The following DNAH5 variants were observed in gnomAD, a reference collection of about 807,000 sequenced individuals.
DNAH5 encodes the protein axonemal beta dynein heavy chain 5.
Under a neutral mutation model 518.2 loss-of-function variants are expected in DNAH5, and 372 were observed. That is an observed-to-expected ratio of 0.72 (90% CI 0.66 to 0.78). The LOEUF (loss-of-function observed/expected upper bound fraction) is 0.78. Ranked by LOEUF, DNAH5 falls within the 30% of genes least tolerant of loss-of-function variation. DNAH5 has a pLI of 0.00. For missense variants in DNAH5, 5,523 were observed against 5,687.0 expected, an observed-to-expected ratio of 0.97 and a Z score of 0.93; for synonymous variants, 2,039 against 2,025.9, an observed-to-expected ratio of 1.01 and a Z score of -0.17.
chr5:13,859,307 G>A, intron 30 of DNAH5, 145 bp downstream of exon 30: 1 of 852,438 alleles, frequency 1.2e-6, no homozygotes, highest in South Asian at 1.6e-5. Flanking sequence ...TCCCTTTGAA[G>A]AATAACAGCA....
chr5:13,973,944 C>A (rs928456740), intron 1 of DNAH5, among the ~76,000 whole-genome samples: 1 of 152,086 alleles, frequency 6.6e-6, no homozygotes, highest in African/African-American at 2.4e-5. Flanking sequence ...CTTATTGGTA[C>A]ATGTGGCCAA....
At chr5:13,853,056 C>T (rs113902580) in intron 30 of DNAH5, among the ~76,000 whole-genome samples, 1,613 of 152,336 alleles carry the variant, frequency 0.011, 20 homozygotes, top group African/African-American at 0.036. Flanking sequence ...GGGTCCCTGA[C>T]CCCGTGCTTC....
chr5:13,976,323 A>C (rs2152062026), intron 1 of DNAH5, among the ~76,000 whole-genome samples: 1 of 152,308 alleles, frequency 6.6e-6, no homozygotes. Context: ...TCCAGAAATA[A>C]ACAATCCGTA....
At chr5:13,925,919 C>G (rs1348582060) in intron 3 of DNAH5, among the ~76,000 whole-genome samples, 1 of 152,198 alleles carries the variant, frequency 6.6e-6, no homozygotes, top group Non-Finnish European at 1.5e-5. Context: ...GTGCTACAAC[C>G]AGGACAGTCA....
chr5:13,723,769 T>C (rs1338357409), intron 70 of DNAH5, among the ~76,000 whole-genome samples: 3 of 152,340 alleles, frequency 2.0e-5, no homozygotes, highest in Admixed American at 6.5e-5. Flanking sequence ...AAAAATATAA[T>C]TCTTAAGTCA....
In DNAH5 at chr5:13,922,267, A is replaced by G; in HGVS notation, c.500T>C (p.Leu167Ser). 6.2e-7 allele frequency: 1 copy of G among 1,613,762 alleles called. No individual in the cohort carries two copies. The highest frequency in any genetic ancestry group is 2.2e-5 in the East Asian group (1 of 44,796). Reference protein sequence around the residue: ...DGGLLNSVRRLLSDIFIPALR... With the variant: ...DGGLLNSVRRSLSDIFIPALR... ...AGCAGGAATGAAGATGTCCGACAGC[A>G]AACGTCTCACACTGTTGAGCAGGCC... The change falls in exon 5 of 79, where the codon TTG (leucine) becomes TCG (serine). Residue 167 changes from leucine (L) to serine (S), a missense_variant. Coordinates refer to ENST00000265104, the MANE Select transcript of DNAH5 (RefSeq NM_001369.3).
Position 13,814,781 on chromosome 5 carries a change from C to T in DNAH5, c.7054G>A (p.Val2352Ile). 1.2e-6 allele frequency: 2 copies of T among 1,613,832 alleles called. No individual in the cohort carries two copies. Among genetic ancestry groups the T allele is most frequent in the Non-Finnish European group, 1.7e-6 (2 of 1,179,954 alleles). ...GTTAGAGTTTTGTTATCATCCAAAA[C>T]AGAATTCAGATTTTCAATCCAGATG... Reference protein sequence around the residue: ...DAIWIENLNSVLDDNKTLTLA... With the variant: ...DAIWIENLNSILDDNKTLTLA... Residue 2352 changes from valine (V) to isoleucine (I), a missense_variant, in exon 43 of 79, where the codon GTT becomes ATT. Physicochemically the swap from Val to Ile is conservative, Grantham distance 29. Coordinates refer to ENST00000265104, the MANE Select transcript of DNAH5 (RefSeq NM_001369.3).
chr5:13,946,454 CA>C (rs1443055800), upstream of DNAH5, among the ~76,000 whole-genome samples: 2 of 152,172 alleles, frequency 1.3e-5, no homozygotes, highest in African/African-American at 4.8e-5. Flanking sequence ...ACAACACAAA[CA>C]AAGCAAGCCA....
intron 15 of DNAH5, 89 bp from the exon 16 acceptor site, chr5:13,894,910 T>G: frequency 6.8e-7 from 1 of 1,459,922 alleles, no homozygotes; most frequent in Non-Finnish European, 9.5e-7. Flanking sequence ...TGACTACTTT[T>G]ATTTAGGGTC....
In DNAH5 at chr5:13,804,987, C is replaced by T. The variant is rs78740466; in HGVS notation, c.7887+2604G>A. On this transcript the variant is annotated intron_variant, in intron 47 of 78. Coordinates refer to ENST00000265104, the MANE Select transcript of DNAH5 (RefSeq NM_001369.3). ...TAACAAAAACGCAATGACAAGGCCT[C>T]ATTGCATAATAAAAGATTGGACTGG... 2.9e-3 allele frequency among the ~76,000 whole-genome samples: 448 copies of T among 152,248 alleles called. 3 individuals are homozygous for T. Among genetic ancestry groups the T allele is most frequent in the African/African-American group, 0.01 (432 of 41,536 alleles).
chr5:13,894,878 A>G, intron 15 of DNAH5, 57 bp from the exon 16 acceptor site: 3 of 1,574,158 alleles, frequency 1.9e-6, no homozygotes, highest in Non-Finnish European at 2.6e-6. Flanking sequence ...ATGTCTGTTA[A>G]TATCTCATGT....
At chr5:13,894,270 A>C (rs928225590) in intron 16 of DNAH5, among the ~76,000 whole-genome samples, 2 of 152,164 alleles carry the variant, frequency 1.3e-5, no homozygotes, top group African/African-American at 2.4e-5. Context: ...TGTTTGTTTA[A>C]ATTTTTCCCA....
chr5:13,708,723 T>G (rs1193672790), intron 75 of DNAH5, among the ~76,000 whole-genome samples: 2 of 152,210 alleles, frequency 1.3e-5, no homozygotes, highest in Admixed American at 6.5e-5. Flanking sequence ...ACAACCATTC[T>G]GCTGGCTATT....
chr5:13,779,365 T>C (rs1754746565), intron 53 of DNAH5, among the ~76,000 whole-genome samples: 1 of 152,186 alleles, frequency 6.6e-6, no homozygotes, highest in Admixed American at 6.5e-5. Flanking sequence ...AAACACAAAG[T>C]GTAACAACAG....
At chr5:13,714,175 A>G (rs896271985) in intron 75 of DNAH5, among the ~76,000 whole-genome samples, 4 of 152,256 alleles carry the variant, frequency 2.6e-5, no homozygotes, top group African/African-American at 9.6e-5. Context: ...TAAATCAATC[A>G]TAAGTATTAA....
In DNAH5 at chr5:13,901,363, G is replaced by A; in HGVS notation, c.1941C>T (p.His647=). ...IQQPMQLFQQ[H]PAVLSTAEAK... ...CTTCTGCCGTGCTTAGCACAGCTGG[G>A]TGCTGCTGGAAAAGCTGCATGGGCT... Residue 647 remains histidine (H), a synonymous_variant, in exon 14 of 79, where the codon CAC becomes CAT. Coordinates refer to ENST00000265104, the MANE Select transcript of DNAH5 (RefSeq NM_001369.3). The A allele has an allele frequency of 6.2e-7, 1 of 1,614,144 alleles. No homozygotes were observed. Among genetic ancestry groups the A allele is most frequent in the Non-Finnish European group, 8.5e-7 (1 of 1,180,014 alleles).
chr5:13,938,638 G>A (rs1202401286), intron 1 of DNAH5, among the ~76,000 whole-genome samples: 1 of 151,788 alleles, frequency 6.6e-6, no homozygotes, highest in Non-Finnish European at 1.5e-5. Flanking sequence ...ATGGTTTCTG[G>A]CATTCAGTGG....
At chr5:13,959,653 T>C (rs1781019048) in intron 1 of DNAH5, among the ~76,000 whole-genome samples, 1 of 152,216 alleles carries the variant, frequency 6.6e-6, no homozygotes, top group Non-Finnish European at 1.5e-5. Flanking sequence ...GTCCTCTCCC[T>C]GGAATTCTGT....
intron 6 of DNAH5, 89 bp downstream of exon 6, chr5:13,920,391 A>G (rs1480028279): frequency 1.3e-5 from 20 of 1,561,382 alleles, no homozygotes; most frequent in Non-Finnish European, 1.8e-5. Context: ...ACGCTTAACA[A>G]ATGGAATGTC....
Sources: gnomAD v4.1 joint callset for allele counts (sites outside exome capture counted in the v4.1 genomes callset) on GRCh38, gnomAD v4.1.1 for gene constraint, MANE v1.5 for transcripts, NCBI Gene and HGNC (gene_info 2026-07-23, HGNC 2026-07-21) for gene names.